The following SLAMF6 variants were observed in gnomAD, a reference collection of about 807,000 sequenced individuals.
SLAMF6 encodes NK-T-B-antigen.
SLAMF6 carries 21 observed loss-of-function variants against 38.3 expected under a neutral mutation model. That is an observed-to-expected ratio of 0.55 (90% confidence interval 0.39 to 0.79). The LOEUF (loss-of-function observed/expected upper bound fraction) is 0.79, where lower values mean the gene tolerates loss of function less well. SLAMF6 is among the 30% of genes least tolerant of loss of function. The pLI is 0.00. For missense variants in SLAMF6, 341 were observed against 385.3 expected (o/e 0.89, Z 0.96); for synonymous variants, 152 against 146.3 (o/e 1.04, Z -0.28).
intron 1 of SLAMF6, among the ~76,000 whole-genome samples, chr1:160,513,734 A>G (rs909590821): frequency 2.0e-5 from 3 of 152,240 alleles, no homozygotes; most frequent in Non-Finnish European, 4.4e-5. Flanking sequence ...AAGAATTTTC[A>G]ACCCAGAATC....
rs1653130479 is a variant in SLAMF6, at chr1:160,489,141, A to T, written c.826T>A (p.Ser276Thr). 8 of 1,613,936 alleles carry T rather than the reference A, an allele frequency of 5.0e-6. No individual in the cohort carries two copies. The highest frequency in any genetic ancestry group is 5.9e-6 in the Non-Finnish European group (7 of 1,179,866). ...ACAGTGTTGTTCGTTGGAGACACTG[A>T]AACATACTCTAGGTTCCTTGCGGAC... ...AESARNLEYVSVSPTNNTVYA... is the reference protein window; with the variant it reads ...AESARNLEYVTVSPTNNTVYA... Residue 276 changes from serine to threonine, a missense_variant, in exon 6 of 8, where the codon TCA (serine) becomes ACA (threonine). Ser to Thr is a moderately conservative substitution (Grantham distance 58, BLOSUM62 1). Transcript: ENST00000368057.
chr1:160,523,234 T>G lies in SLAMF6; in HGVS notation c.-42A>C, dbSNP rs1655069977. 1 of 1,604,888 alleles carries G rather than the reference T, an allele frequency of 6.2e-7. No homozygotes were observed. Among genetic ancestry groups the G allele is most frequent in the African/African-American group, 1.3e-5 (1 of 74,504 alleles). ...ACTGGTGCTTGAGACCTTGAGGCAG[T>G]CAATGTTTTTGCCCTTCTGTCATAA... is the stretch of plus-strand genomic sequence containing the variant. On this transcript the variant is annotated 5_prime_UTR_variant, in exon 1 of 8. Transcript: ENST00000368057.
At chr1:160,496,765 C>A (rs900156923) in intron 1 of SLAMF6, among the ~76,000 whole-genome samples, 2 of 152,162 alleles carry the variant, frequency 1.3e-5, no homozygotes, top group African/African-American at 4.8e-5. Context: ...AACTGCAAGT[C>A]TTTGCTAATA....
chr1:160,497,498 G>T (rs1377447312), intron 1 of SLAMF6, among the ~76,000 whole-genome samples: 1 of 152,100 alleles, frequency 6.6e-6, no homozygotes, highest in Non-Finnish European at 1.5e-5. Flanking sequence ...AGGATCTCTT[G>T]CTTCTTTTTC....
chr1:160,494,338 A>G (rs1001812172), intron 2 of SLAMF6, among the ~76,000 whole-genome samples: 2 of 152,168 alleles, frequency 1.3e-5, no homozygotes, highest in Non-Finnish European at 2.9e-5. Flanking sequence ...TGTTAGAGGA[A>G]CATTATCTCA....
chr1:160,508,615 T>C (rs1477227840), intron 1 of SLAMF6, among the ~76,000 whole-genome samples: 1 of 152,144 alleles, frequency 6.6e-6, no homozygotes, highest in Non-Finnish European at 1.5e-5. Context: ...ACTTCAATAC[T>C]AAAACACCAA....
chr1:160,503,812 C>A (rs924198043), intron 1 of SLAMF6, among the ~76,000 whole-genome samples: 4 of 151,722 alleles, frequency 2.6e-5, no homozygotes, highest in African/African-American at 9.7e-5. Flanking sequence ...AAAAAAGAGG[C>A]AACTTAAAAA....
intron 1 of SLAMF6, among the ~76,000 whole-genome samples, chr1:160,507,974 G>A (rs1024793915): frequency 1.5e-4 from 23 of 152,084 alleles, no homozygotes; most frequent in African/African-American, 4.3e-4. Flanking sequence ...CCTCTTCAAG[G>A]AGGACTACAA....
intron 1 of SLAMF6, among the ~76,000 whole-genome samples, chr1:160,517,959 G>A (rs1003852076): frequency 2.0e-5 from 3 of 151,948 alleles, no homozygotes; most frequent in African/African-American, 4.8e-5. Context: ...CAGGGCACAG[G>A]TTTACCTATG....
At chr1:160,510,736 G>C (rs894749075) in intron 1 of SLAMF6, among the ~76,000 whole-genome samples, 9 of 152,218 alleles carry the variant, frequency 5.9e-5, no homozygotes, top group Admixed American at 5.9e-4. Context: ...GTTCTAGCCA[G>C]AGCAATTAGG....
At chr1:160,513,687 A>G (rs1363607293) in intron 1 of SLAMF6, among the ~76,000 whole-genome samples, 1 of 152,226 alleles carries the variant, frequency 6.6e-6, no homozygotes, top group African/African-American at 2.4e-5. Context: ...TACAAGCCAG[A>G]AGAGATTGGG....
rs761018105 is a variant in SLAMF6, at chr1:160,496,116, G to A, written c.327C>T (p.Ala109=). 22 of 1,613,698 alleles carry A rather than the reference G, an allele frequency of 1.4e-5. No individual in the cohort carries two copies. The highest frequency in any genetic ancestry group is 1.8e-5 in the Non-Finnish European group (21 of 1,179,880). ...TTGCAGAGGTCTTTGTGGATATCTG[G>A]GCTCTGTAAGAGCCTGTGTCTTCCA... ...LKMEDTGSYR[A]QISTKTSAKL... Residue 109 remains alanine (A), a synonymous_variant, in exon 2 of 8, where the codon GCC becomes GCT. Coordinates refer to ENST00000368057, the MANE Select transcript of SLAMF6 (RefSeq NM_001184714.2).
intron 1 of SLAMF6, among the ~76,000 whole-genome samples, chr1:160,516,753 A>G (rs1358652280): frequency 6.6e-6 from 1 of 152,192 alleles, no homozygotes; most frequent in Non-Finnish European, 1.5e-5. Context: ...AAAACAAGCA[A>G]TGGGGAAAGG....
chr1:160,497,370 C>T (rs921809102), intron 1 of SLAMF6, among the ~76,000 whole-genome samples: 5 of 152,134 alleles, frequency 3.3e-5, no homozygotes, highest in South Asian at 2.1e-4. Flanking sequence ...TAACTGACCA[C>T]GCCTTAATTA....
chr1:160,489,240 C>A, intron 5 of SLAMF6, 70 bp from the exon 6 acceptor site: 2 of 1,468,784 alleles, frequency 1.4e-6, no homozygotes, highest in South Asian at 1.1e-5. Context: ...CTTCTCCCTC[C>A]CCAGAGCACA....
intron 1 of SLAMF6, among the ~76,000 whole-genome samples, chr1:160,498,778 T>A (rs149652301): frequency 0.018 from 2,675 of 152,220 alleles, 25 homozygotes; most frequent in Middle Eastern, 0.048. Flanking sequence ...GAGATGGTAT[T>A]TCATTGTGGT....
intron 1 of SLAMF6, among the ~76,000 whole-genome samples, chr1:160,509,014 G>T (rs1334231160): frequency 6.6e-6 from 1 of 152,206 alleles, no homozygotes; most frequent in African/African-American, 2.4e-5. Context: ...ACAGATGCTG[G>T]AGAGGATATG....
At chr1:160,490,163 C>T in intron 5 of SLAMF6, 35 bp downstream of exon 5, 1 of 1,610,540 alleles carries the variant, frequency 6.2e-7, no homozygotes, top group Non-Finnish European at 8.5e-7. Flanking sequence ...TTCCCATCTG[C>T]TTTATGATGG....
chr1:160,497,527 A>G (rs1653651656), intron 1 of SLAMF6, among the ~76,000 whole-genome samples: 2 of 152,100 alleles, frequency 1.3e-5, no homozygotes, highest in African/African-American at 4.8e-5. Flanking sequence ...TTCAACTTTT[A>G]TTTTAGATAT....
Sources: allele counts gnomAD v4.1 joint callset (sites outside exome capture counted in the v4.1 genomes callset), GRCh38; gene constraint gnomAD v4.1.1; transcripts MANE v1.5; gene names NCBI Gene and HGNC (gene_info 2026-07-23, HGNC 2026-07-21).